The following ATP6V1E2 variants were observed in gnomAD, a reference collection of about 807,000 sequenced individuals.
ATP6V1E2 encodes V-type proton ATPase subunit E 2.
For missense variants in ATP6V1E2, 308 were observed against 273.3 expected (o/e 1.13, Z -0.90); for synonymous variants, 121 against 104.2 (o/e 1.16, Z -0.98).
chr2:46,515,772 G>C (rs1460996803), intron 4 of ATP6V1E2, among the ~76,000 whole-genome samples: 1 of 152,168 alleles, frequency 6.6e-6, no homozygotes, highest in Non-Finnish European at 1.5e-5. Context: ...CTTACTATTT[G>C]CTGTCTACAA....
chr2:46,526,934 G>A (rs1666951217), intron 4 of ATP6V1E2, among the ~76,000 whole-genome samples: 1 of 152,158 alleles, frequency 6.6e-6, no homozygotes, highest in Non-Finnish European at 1.5e-5. Context: ...TCTAAGCTCA[G>A]TGTTTTGAAG....
rs1667653504 is a variant in ATP6V1E2, at chr2:46,540,127, A to T, written c.-310+1263T>A. Among the ~76,000 whole-genome samples the T allele has an allele frequency of 2.0e-5, 3 of 152,224 alleles. No individual in the cohort carries two copies. The South Asian group carries it at 6.2e-4, about 32-fold the overall frequency. ...GAAAAAGAGTAAGAGAAGGCTGATTAGGAATTTCACTGTTCTCAGCCAGAT... is the reference window on the plus strand; with the variant it reads ...GAAAAAGAGTAAGAGAAGGCTGATTTGGAATTTCACTGTTCTCAGCCAGAT... On this transcript the variant is annotated intron_variant, in intron 2 of 4. Coordinates refer to ENST00000522587, the MANE Select transcript of ATP6V1E2 (RefSeq NM_001318063.2).
intron 4 of ATP6V1E2, among the ~76,000 whole-genome samples, chr2:46,522,572 C>T (rs1666695815): frequency 6.6e-6 from 1 of 152,178 alleles, no homozygotes; most frequent in Non-Finnish European, 1.5e-5. Flanking sequence ...GATATGATCT[C>T]ATTCCTTTTT....
intron 2 of ATP6V1E2, among the ~76,000 whole-genome samples, chr2:46,539,476 A>T (rs1667610354): frequency 6.6e-6 from 1 of 152,238 alleles, no homozygotes; most frequent in South Asian, 2.1e-4. Context: ...TTGAGCTGGG[A>T]CCATGCCTTT....
chr2:46,539,086 C>CATTTAAACCAG (rs1667590835), intron 2 of ATP6V1E2, among the ~76,000 whole-genome samples: 1 of 23,644 alleles, frequency 4.2e-5, no homozygotes, highest in South Asian at 2.5e-3. Context: ...CGGCAGCTTC[C>CATTTAAACCAG]AAGATTACAG....
intron 2 of ATP6V1E2, among the ~76,000 whole-genome samples, chr2:46,539,522 G>A (rs1019538870): frequency 3.3e-5 from 5 of 152,364 alleles, no homozygotes; most frequent in Admixed American, 3.3e-4. Flanking sequence ...TTCCTCAGTG[G>A]CCCCATTGGC....
At chr2:46,513,656 T>TTTA (rs1418171925) in intron 4 of ATP6V1E2, among the ~76,000 whole-genome samples, 6 of 151,984 alleles carry the variant, frequency 3.9e-5, no homozygotes, top group Admixed American at 3.3e-4. Context: ...AAACCCCGTC[T>TTTA]CTACTAAAAT....
chr2:46,513,376 G>A (rs1433661555), intron 4 of ATP6V1E2, among the ~76,000 whole-genome samples: 2 of 152,210 alleles, frequency 1.3e-5, no homozygotes, highest in Non-Finnish European at 2.9e-5. Flanking sequence ...TGCACTTGAG[G>A]AGAATGTGCA....
At chr2:46,525,679 A>C (rs1666885087) in intron 4 of ATP6V1E2, among the ~76,000 whole-genome samples, 1 of 152,138 alleles carries the variant, frequency 6.6e-6, no homozygotes, top group African/African-American at 2.4e-5. Flanking sequence ...CAAGAACTCC[A>C]CTCACACTGG....
At chr2:46,533,085 A>C (rs1355780693) in intron 4 of ATP6V1E2, among the ~76,000 whole-genome samples, 2 of 84,336 alleles carry the variant, frequency 2.4e-5, no homozygotes. Flanking sequence ...ATATATATAT[A>C]TCTAACATTA....
chr2:46,521,793 C>G (rs373763656), intron 4 of ATP6V1E2, among the ~76,000 whole-genome samples: 10 of 152,136 alleles, frequency 6.6e-5, no homozygotes, highest in African/African-American at 2.4e-4. Context: ...TGGGTTCAAG[C>G]GATTCTCCTG....
chr2:46,540,183 G>C (rs1348981108), intron 2 of ATP6V1E2, among the ~76,000 whole-genome samples: 1 of 152,178 alleles, frequency 6.6e-6, no homozygotes, highest in Non-Finnish European at 1.5e-5. Context: ...AACTTTGGGA[G>C]GCTGAGGCAG....
rs748503373 is a variant in ATP6V1E2, at chr2:46,512,736, A to G, written c.-25T>C. The G allele has an allele frequency of 5.0e-6, 8 of 1,587,374 alleles. No individual in the cohort carries two copies. In the East Asian group the frequency reaches 1.8e-4, roughly 36 times the overall value. On this transcript the variant is annotated 5_prime_UTR_variant, in exon 5 of 5. Transcript: ENST00000522587. ...TGGCTGCTCTCAGAGGGGACGGCAG[A>G]GAGGGAGCTCGTACACCGTTTGGCT...
chr2:46,533,521 G>A (rs1667293238), intron 4 of ATP6V1E2, among the ~76,000 whole-genome samples: 1 of 152,146 alleles, frequency 6.6e-6, no homozygotes, highest in African/African-American at 2.4e-5. Context: ...CAATATACCT[G>A]CCTCAGCCTC....
At position 46,512,747 on chromosome 2, in the gene ATP6V1E2, G is replaced by A. The variant is rs375381446; in HGVS notation, c.-36C>T. ...AGAGGGGACGGCAGAGAGGGAGCTC[G>A]TACACCGTTTGGCTCCTTTGACTTA... On this transcript the variant is annotated 5_prime_UTR_variant, in exon 5 of 5. The change creates a new upstream start codon in the 5' untranslated region. Transcript: ENST00000522587. The A allele has an allele frequency of 2.0e-5, 31 of 1,563,666 alleles. No homozygotes were observed. Among genetic ancestry groups the A allele is most frequent in the East Asian group, 6.7e-5 (3 of 44,568 alleles).
intron 4 of ATP6V1E2, among the ~76,000 whole-genome samples, chr2:46,529,066 G>A (rs2103900612): frequency 6.6e-6 from 1 of 152,326 alleles, no homozygotes; most frequent in Admixed American, 6.5e-5. Flanking sequence ...GGAGCCCTGG[G>A]AAATAGCCCT....
chr2:46,515,206 AG>A (rs1687659650), intron 4 of ATP6V1E2, among the ~76,000 whole-genome samples: 1 of 152,232 alleles, frequency 6.6e-6, no homozygotes. Context: ...GTAAAGATAA[AG>A]ATATTGGCAA....
chr2:46,520,378 A>C (rs1376771394), intron 4 of ATP6V1E2, among the ~76,000 whole-genome samples: 1 of 152,248 alleles, frequency 6.6e-6, no homozygotes, highest in Non-Finnish European at 1.5e-5. Context: ...CTGTCCTTAT[A>C]CGAGGGCTCA....
intron 4 of ATP6V1E2, among the ~76,000 whole-genome samples, chr2:46,518,272 A>G (rs1666392702): frequency 6.6e-6 from 1 of 152,158 alleles, no homozygotes. Flanking sequence ...GCATGATTCC[A>G]CTTATGGGAT....
Sources: allele counts gnomAD v4.1 joint callset (sites outside exome capture counted in the v4.1 genomes callset), GRCh38; gene constraint gnomAD v4.1.1; transcripts MANE v1.5; gene names NCBI Gene and HGNC (gene_info 2026-07-23, HGNC 2026-07-21).